Variants in PAM observed in about 807,000 individuals in gnomAD.
PAM encodes peptidylglycine alpha-amidating monooxygenase.
In PAM, 72 loss-of-function variants were observed where a neutral mutation model predicts 122.1. That is an observed-to-expected ratio of 0.59 (90% confidence interval 0.49 to 0.72). The LOEUF is 0.72. Ranked by LOEUF, PAM falls within the 30% of genes least tolerant of loss-of-function variation. The probability of loss-of-function intolerance (pLI) is 0.00; values close to 1 mark genes in which losing one functional copy is unlikely to be tolerated. For missense variants in PAM, 1,106 were observed against 1,183.7 expected (o/e 0.93, Z 0.96); for synonymous variants, 389 against 404.4 (o/e 0.96, Z 0.46).
intron 17 of PAM, among the ~76,000 whole-genome samples, chr5:103,004,870 C>A (rs994133180): frequency 1.3e-5 from 2 of 152,104 alleles, no homozygotes; most frequent in African/African-American, 4.8e-5. Context: ...TAAACTGATA[C>A]TGTTTTCTCT....
At chr5:102,778,534 C>A (rs943923761) in intron 1 of PAM, among the ~76,000 whole-genome samples, 3 of 152,054 alleles carry the variant, frequency 2.0e-5, no homozygotes, top group Non-Finnish European at 4.4e-5. Context: ...AAAAACTAGA[C>A]CCCATATGAT....
At chr5:102,774,132 A>T (rs1323174231) in intron 1 of PAM, among the ~76,000 whole-genome samples, 1 of 152,062 alleles carries the variant, frequency 6.6e-6, no homozygotes, top group African/African-American at 2.4e-5. Flanking sequence ...AGTTAGGTTG[A>T]TTCCATTTGT....
At chr5:102,921,620 G>T (rs997401419) in intron 5 of PAM, among the ~76,000 whole-genome samples, 4 of 152,024 alleles carry the variant, frequency 2.6e-5, no homozygotes, top group African/African-American at 9.7e-5. Context: ...ACCAATGTTT[G>T]CTTGGAAGCT....
At chr5:102,901,076 T>C (rs563563756) in intron 3 of PAM, among the ~76,000 whole-genome samples, 24 of 151,754 alleles carry the variant, frequency 1.6e-4, no homozygotes, top group African/African-American at 5.5e-4. Context: ...TAAAAGCATC[T>C]AAAAATTTGC....
chr5:102,766,926 ATTTTTTTTTTTTTTTTTTT>A, intron 1 of PAM, among the ~76,000 whole-genome samples: 1 of 25,830 alleles, frequency 3.9e-5, no homozygotes, highest in Non-Finnish European at 7.7e-5. Flanking sequence ...TCAGTTGTGG[ATTTTTTTTTTTTTTTTTTT>A]TTTTTTTTTT....
At chr5:102,977,656 GCGCACACACACA>G (rs756331321) in intron 15 of PAM, among the ~76,000 whole-genome samples, 22 of 112,980 alleles carry the variant, frequency 1.9e-4, no homozygotes, top group Non-Finnish European at 3.6e-4. Context: ...ACATGCATGT[GCGCACACACACA>G]CACACACACA....
intron 21 of PAM, among the ~76,000 whole-genome samples, chr5:103,011,023 T>C (rs1231014565): frequency 1.3e-5 from 2 of 152,250 alleles, no homozygotes; most frequent in Non-Finnish European, 2.9e-5. Flanking sequence ...CTAGGTCTTA[T>C]TCATTCTGAT....
chr5:102,756,403 A>G (rs1263915250), intron 1 of PAM, among the ~76,000 whole-genome samples: 2 of 152,202 alleles, frequency 1.3e-5, no homozygotes, highest in Non-Finnish European at 2.9e-5. Flanking sequence ...CTTTGTGGTC[A>G]TAGAAATTCA....
At chr5:102,904,726 T>G (rs1009135267) in intron 4 of PAM, among the ~76,000 whole-genome samples, 1 of 151,566 alleles carries the variant, frequency 6.6e-6, no homozygotes, top group African/African-American at 2.4e-5. Context: ...TTCAAATTTC[T>G]GAAGAAAATT....
intron 16 of PAM, among the ~76,000 whole-genome samples, chr5:102,994,460 T>A (rs1775063794): frequency 6.6e-6 from 1 of 152,192 alleles, no homozygotes; most frequent in African/African-American, 2.4e-5. Context: ...GGAATTTTGG[T>A]CTCTCTCCCC....
At chr5:102,761,306 C>T (rs1382029503) in intron 1 of PAM, among the ~76,000 whole-genome samples, 1 of 152,194 alleles carries the variant, frequency 6.6e-6, no homozygotes, top group Non-Finnish European at 1.5e-5. Context: ...AGCAGATCTG[C>T]TTCCCTATCA....
At chr5:102,816,683 A>G (rs976802575) in intron 1 of PAM, among the ~76,000 whole-genome samples, 13 of 151,794 alleles carry the variant, frequency 8.6e-5, no homozygotes, top group Non-Finnish European at 1.9e-4. Flanking sequence ...ACCCTAACTC[A>G]CTGTTCTTTC....
At chr5:102,778,008 GA>G (rs1757645427) in intron 1 of PAM, among the ~76,000 whole-genome samples, 1 of 152,096 alleles carries the variant, frequency 6.6e-6, no homozygotes, top group African/African-American at 2.4e-5. Context: ...CGGAATTGTG[GA>G]AAACACCTGA....
chr5:102,836,502 A>G (rs550750894), intron 1 of PAM, among the ~76,000 whole-genome samples: 8 of 152,134 alleles, frequency 5.3e-5, no homozygotes, highest in Non-Finnish European at 1.0e-4. Flanking sequence ...AAATGCTGAG[A>G]TTACAGATGT....
At chr5:102,758,997 T>G (rs1007429234) in intron 1 of PAM, among the ~76,000 whole-genome samples, 2 of 152,240 alleles carry the variant, frequency 1.3e-5, no homozygotes, top group Non-Finnish European at 2.9e-5. Context: ...ACTAAACGTT[T>G]GGCTTTTTCC....
chr5:102,862,347 G>A (rs1784427602), intron 1 of PAM, among the ~76,000 whole-genome samples: 1 of 151,880 alleles, frequency 6.6e-6, no homozygotes, highest in South Asian at 2.1e-4. Context: ...AAACATCCGG[G>A]TCTTTGTTAT....
chr5:102,778,588 T>G (rs954313967), intron 1 of PAM, among the ~76,000 whole-genome samples: 1 of 152,160 alleles, frequency 6.6e-6, no homozygotes, highest in Non-Finnish European at 1.5e-5. Context: ...TTATTATTAT[T>G]GTTTTCCTTC....
At chr5:102,818,005 A>G (rs1159483747) in intron 1 of PAM, among the ~76,000 whole-genome samples, 16 of 144,174 alleles carry the variant, frequency 1.1e-4, no homozygotes, top group Middle Eastern at 3.6e-3. Flanking sequence ...CCGAAAACCT[A>G]CTTAAACTTT....
intron 1 of PAM, among the ~76,000 whole-genome samples, chr5:102,820,990 C>G (rs1379477213): frequency 6.6e-6 from 1 of 152,166 alleles, no homozygotes; most frequent in African/African-American, 2.4e-5. Context: ...AATCACTTCA[C>G]AGTTGGAGTG....
Sources: gnomAD v4.1 joint callset for allele counts (sites outside exome capture counted in the v4.1 genomes callset) on GRCh38, gnomAD v4.1.1 for gene constraint, MANE v1.5 for transcripts, NCBI Gene and HGNC (gene_info 2026-07-23, HGNC 2026-07-21) for gene names.